The following LRBA variants were observed in gnomAD, a reference collection of about 807,000 sequenced individuals.
The protein encoded by LRBA is lipopolysaccharide-responsive and beige-like anchor protein.
A neutral mutation model predicts 330.0 loss-of-function variants in LRBA; 176 were observed. The observed-to-expected ratio is 0.53, with a 90% confidence interval of 0.47 to 0.60. The LOEUF (loss-of-function observed/expected upper bound fraction) is 0.60. LRBA is among the 20% of genes least tolerant of loss of function. The pLI, the probability that LRBA is intolerant of heterozygous loss-of-function variation, is 0.00. For missense variants in LRBA, 3,259 were observed against 3,444.8 expected (o/e 0.95, Z 1.35); for synonymous variants, 1,230 against 1,193.0 (o/e 1.03, Z -0.64).
chr4:150,872,214 T>A (rs917338358), intron 18 of LRBA, among the ~76,000 whole-genome samples: 8 of 152,174 alleles, frequency 5.3e-5, no homozygotes, highest in African/African-American at 1.9e-4. Context: ...ATAAACTACT[T>A]CTGGTACAAA....
intron 36 of LRBA, among the ~76,000 whole-genome samples, chr4:150,699,203 G>A (rs574225110): frequency 6.6e-5 from 10 of 151,760 alleles, no homozygotes; most frequent in African/African-American, 2.4e-4. Flanking sequence ...AGCTAAACTG[G>A]CTTCTGCAGC....
chr4:150,943,856 T>A (rs554852352), intron 2 of LRBA, among the ~76,000 whole-genome samples: 1 of 152,306 alleles, frequency 6.6e-6, no homozygotes, highest in South Asian at 2.1e-4. Context: ...ACAGAAGTAA[T>A]GTGTGACTTA....
chr4:150,807,186 C>T (rs1578846733), intron 32 of LRBA, among the ~76,000 whole-genome samples: 2 of 151,716 alleles, frequency 1.3e-5, no homozygotes, highest in African/African-American at 4.8e-5. Context: ...TAAACATATA[C>T]ATAAAGAGCC....
intron 2 of LRBA, 103 bp from the exon 3 acceptor site, chr4:150,929,168 C>G: frequency 3.0e-6 from 2 of 665,572 alleles, no homozygotes; most frequent in Non-Finnish European, 4.8e-6. Flanking sequence ...CACATTCTTC[C>G]TCCACATCAA....
chr4:150,577,158 GAA>G (rs1370253946), intron 40 of LRBA, among the ~76,000 whole-genome samples: 1 of 151,852 alleles, frequency 6.6e-6, no homozygotes, highest in Non-Finnish European at 1.5e-5. Context: ...CTTTGACAGA[GAA>G]TAAAAGAGAA....
intron 44 of LRBA, among the ~76,000 whole-genome samples, chr4:150,456,482 T>C (rs892547403): frequency 6.6e-5 from 10 of 152,282 alleles, no homozygotes; most frequent in South Asian, 2.1e-4. Context: ...TTTTGAGAAA[T>C]GTCTATTCAA....
chr4:150,515,369 GA>G (rs1443296418), intron 40 of LRBA, among the ~76,000 whole-genome samples: 2 of 151,870 alleles, frequency 1.3e-5, no homozygotes, highest in African/African-American at 4.8e-5. Context: ...CACCACTAAA[GA>G]AAAAAAGTTA....
intron 34 of LRBA, among the ~76,000 whole-genome samples, chr4:150,787,083 G>A (rs1195333479): frequency 6.6e-6 from 1 of 152,034 alleles, no homozygotes; most frequent in Non-Finnish European, 1.5e-5. Context: ...ATAAAAAAAA[G>A]TCGCCAGGCA....
At chr4:150,782,760 T>C (rs1460703969) in intron 34 of LRBA, among the ~76,000 whole-genome samples, 1 of 152,180 alleles carries the variant, frequency 6.6e-6, no homozygotes, top group Non-Finnish European at 1.5e-5. Flanking sequence ...TCATGGCTAT[T>C]TGTTGGGGAG....
At chr4:150,589,423 A>G (rs1033228911) in intron 39 of LRBA, among the ~76,000 whole-genome samples, 2 of 152,234 alleles carry the variant, frequency 1.3e-5, no homozygotes, top group Admixed American at 6.5e-5. Flanking sequence ...GCAGATGGGC[A>G]GCAGATAGCT....
chr4:150,862,350 TA>T (rs1215386110), intron 22 of LRBA, among the ~76,000 whole-genome samples: 3 of 152,018 alleles, frequency 2.0e-5, no homozygotes, highest in Admixed American at 6.5e-5. Flanking sequence ...TATGCAGCCA[TA>T]AAAAAGGATG....
intron 37 of LRBA, among the ~76,000 whole-genome samples, chr4:150,618,848 G>GTGTATATA (rs1032502834): frequency 2.7e-5 from 4 of 146,208 alleles, no homozygotes; most frequent in African/African-American, 1.0e-4. Flanking sequence ...ATGTGTGTAT[G>GTGTATATA]TATATATATA....
chr4:150,641,688 G>C (rs1778694083), intron 37 of LRBA, among the ~76,000 whole-genome samples: 1 of 151,946 alleles, frequency 6.6e-6, no homozygotes, highest in Non-Finnish European at 1.5e-5. Flanking sequence ...ACCTTTATAT[G>C]TTCTTCTTTA....
chr4:150,972,211 T>C (rs1386908923), intron 2 of LRBA, among the ~76,000 whole-genome samples: 1 of 152,168 alleles, frequency 6.6e-6, no homozygotes, highest in African/African-American at 2.4e-5. Context: ...TCAAATTTTG[T>C]ACATATATCC....
chr4:150,822,497 T>C (rs1745584312), intron 30 of LRBA, among the ~76,000 whole-genome samples: 1 of 152,188 alleles, frequency 6.6e-6, no homozygotes, highest in East Asian at 1.9e-4. Flanking sequence ...CAGGGCACAG[T>C]GGCTCACGCC....
At chr4:150,579,614 T>A (rs1391742799) in intron 40 of LRBA, 2 of 455,396 alleles carry the variant, frequency 4.4e-6, no homozygotes, top group Non-Finnish European at 8.8e-6. Context: ...TGGAGAAGCG[T>A]AGGGGCAAGG....
chr4:150,864,081 G>A (rs1239154414), intron 22 of LRBA, among the ~76,000 whole-genome samples: 1 of 152,046 alleles, frequency 6.6e-6, no homozygotes, highest in African/African-American at 2.4e-5. Flanking sequence ...GGGACTACAG[G>A]CACTCACCAC....
intron 37 of LRBA, among the ~76,000 whole-genome samples, chr4:150,636,218 T>C (rs757448782): frequency 1.3e-5 from 2 of 151,888 alleles, no homozygotes; most frequent in South Asian, 2.1e-4. Flanking sequence ...TAATGAATAT[T>C]TTTTGAGGAG....
At chr4:150,907,269 AG>A (rs1279702935) in intron 11 of LRBA, among the ~76,000 whole-genome samples, 2 of 68,136 alleles carry the variant, frequency 2.9e-5, no homozygotes, top group East Asian at 6.2e-4. Flanking sequence ...GGAAGAGAGA[AG>A]GGGGGGAGAG....
Sources: allele counts gnomAD v4.1 joint callset (sites outside exome capture counted in the v4.1 genomes callset), GRCh38; gene constraint gnomAD v4.1.1; transcripts MANE v1.5; gene names NCBI Gene and HGNC (gene_info 2026-07-23, HGNC 2026-07-21).